The following SESN1 variants were observed in gnomAD, a reference collection of about 807,000 sequenced individuals.
The protein encoded by SESN1 is sestrin 1.
Under a neutral mutation model 59.3 loss-of-function variants are expected in SESN1, and 30 were observed. The ratio of observed to expected loss-of-function variants is 0.51; its 90% CI spans 0.38 to 0.69. The LOEUF (loss-of-function observed/expected upper bound fraction) is 0.69. Ranked by LOEUF, SESN1 falls within the 30% of genes least tolerant of loss-of-function variation. The pLI is 0.00. For missense variants in SESN1, 566 were observed against 673.0 expected, an observed-to-expected ratio of 0.84 and a Z score of 1.76; for synonymous variants, 197 against 219.9, an observed-to-expected ratio of 0.90 and a Z score of 0.92.
At position 109,028,530 on chromosome 6, in the gene SESN1, A is replaced by G. The variant is rs1780131680; in HGVS notation, c.280-26187T>C. Reference sequence around the variant, plus strand: ...CTACTATATTAACTCCATGCAGCAAAAAAGTAAAGTGGTCTTTCTTCCAGA... The same window carrying G: ...CTACTATATTAACTCCATGCAGCAAGAAAGTAAAGTGGTCTTTCTTCCAGA... On this transcript the variant is annotated intron_variant, in intron 1 of 9. Coordinates refer to ENST00000436639, the MANE Select transcript of SESN1 (RefSeq NM_014454.3). Among the ~76,000 whole-genome samples the G allele has an allele frequency of 5.3e-5, 8 of 152,310 alleles. No individual in the cohort carries two copies. The South Asian group carries it at 1.7e-3, about 32-fold the overall frequency.
At chr6:109,022,645 A>T (rs908995684) in intron 1 of SESN1, among the ~76,000 whole-genome samples, 1 of 151,756 alleles carries the variant, frequency 6.6e-6, no homozygotes, top group Non-Finnish European at 1.5e-5. Flanking sequence ...CGATCTCCTG[A>T]CCTCGTGATC....
At chr6:109,059,106 C>G (rs1780688052) in intron 1 of SESN1, among the ~76,000 whole-genome samples, 1 of 152,084 alleles carries the variant, frequency 6.6e-6, no homozygotes, top group African/African-American at 2.4e-5. Flanking sequence ...TACACACACA[C>G]ACACACACAC....
At chr6:108,998,391 A>C in intron 5 of SESN1, 122 bp downstream of exon 5, 227 of 979,446 alleles carry the variant, frequency 2.3e-4, no homozygotes, top group Non-Finnish European at 2.9e-4. Context: ...GAATAGATAT[A>C]GGGGCCCAAT....
Position 108,987,311 on chromosome 6 carries a change from C to A in SESN1, c.*233G>T. ...CACAGCATCTTGTACTGTCAAAAAG[C>A]AAAATACTGTGAATGGCAGCCTGTC... On this transcript the variant is annotated 3_prime_UTR_variant, in exon 10 of 10. Transcript: ENST00000436639. The A allele has an allele frequency of 2.3e-6, 1 of 437,440 alleles. No homozygotes were observed. The highest frequency in any genetic ancestry group is 3.5e-5 in the East Asian group (1 of 28,416). 27.1% of individuals were successfully genotyped at this position (437,440 alleles called of 1,614,324 possible).
At chr6:109,064,029 C>T (rs1780774451) in intron 1 of SESN1, among the ~76,000 whole-genome samples, 1 of 151,848 alleles carries the variant, frequency 6.6e-6, no homozygotes, top group Non-Finnish European at 1.5e-5. Context: ...GCCATGTATA[C>T]AATTTTGGAT....
chr6:109,002,273 C>T lies in SESN1; in HGVS notation c.345+5G>A, dbSNP rs780778978. ...GTTCACTATGTACTTTCACAAACAA[C>T]GTACCTCCTTTTCTGGGATGAATCT... On this transcript the variant is annotated splice_donor_5th_base_variant and intron_variant, in intron 2 of 9. Coordinates refer to ENST00000436639, the MANE Select transcript of SESN1 (RefSeq NM_014454.3). The T allele has an allele frequency of 8.1e-6, 13 of 1,612,192 alleles. No homozygotes were observed. The highest frequency in any genetic ancestry group is 1.6e-4 in the Middle Eastern group (1 of 6,078).
chr6:109,009,093 G>C, intron 1 of SESN1: 2 of 797,790 alleles, frequency 2.5e-6, no homozygotes, highest in Non-Finnish European at 3.3e-6. Context: ...CGCGGCCGCA[G>C]TCTCTCCCAG....
rs906158999 is a variant in SESN1 at position 108,985,078 on chromosome 6, A to G, written c.*2466T>C. Among the ~76,000 whole-genome samples, 1 of 152,198 alleles carries G rather than the reference A, an allele frequency of 6.6e-6. No individual in the cohort carries two copies. Among genetic ancestry groups the G allele is most frequent in the Admixed American group, 6.5e-5 (1 of 15,278 alleles). ...TGATTCATATATGATATTCACATATACAAATATGCTAGTAACATTTCTGAT... is the reference window on the plus strand; with the variant it reads ...TGATTCATATATGATATTCACATATGCAAATATGCTAGTAACATTTCTGAT... On this transcript the variant is annotated 3_prime_UTR_variant, in exon 10 of 10. Transcript: ENST00000436639.
At chr6:109,092,438 A>C (rs1465198698) in intron 1 of SESN1, among the ~76,000 whole-genome samples, 1 of 152,218 alleles carries the variant, frequency 6.6e-6, no homozygotes, top group Non-Finnish European at 1.5e-5. Context: ...TTTATTTTCA[A>C]TATAACTCTT....
At chr6:109,089,962 A>G (rs535271236) in intron 1 of SESN1, among the ~76,000 whole-genome samples, 1 of 152,140 alleles carries the variant, frequency 6.6e-6, no homozygotes, top group Non-Finnish European at 1.5e-5. Flanking sequence ...ATCAATCACT[A>G]TACTACCTTG....
chr6:109,003,486 G>A (rs1779669924), intron 1 of SESN1, among the ~76,000 whole-genome samples: 2 of 152,042 alleles, frequency 1.3e-5, no homozygotes, highest in African/African-American at 4.8e-5. Flanking sequence ...AAGCAGGAAG[G>A]ACAAAAGTGA....
rs369712213 is a variant in SESN1, at chr6:108,998,695, A to C, written c.790T>G (p.Leu264Val). ...GCAAGAGAATGATAGTGTGTGAGTA[A>C]AACTACTGCATGTACCAATTCCGCA... ...SLAELVHAVV[L>V]LTHYHSLASF... Residue 264 changes from leucine (L) to valine (V), a missense_variant, in exon 5 of 10, where the codon TTA (leucine) becomes GTA (valine). Physicochemically the swap from Leu to Val is conservative, Grantham distance 32. Transcript: ENST00000436639. 21 of 1,613,820 alleles carry C rather than the reference A, an allele frequency of 1.3e-5. No homozygotes were observed. Among genetic ancestry groups the C allele is most frequent in the Non-Finnish European group, 1.6e-5 (19 of 1,179,830 alleles).
At chr6:109,077,951 T>G (rs1781058097) in intron 1 of SESN1, among the ~76,000 whole-genome samples, 2 of 152,180 alleles carry the variant, frequency 1.3e-5, no homozygotes, top group Non-Finnish European at 2.9e-5. Context: ...AATTAATTAC[T>G]AATGATTACC....
chr6:109,071,541 G>A (rs1315442578), intron 1 of SESN1, among the ~76,000 whole-genome samples: 8 of 152,000 alleles, frequency 5.3e-5, no homozygotes, highest in African/African-American at 1.7e-4. Context: ...CAATTTCTGT[G>A]TTAATATGTA....
At position 108,990,718 on chromosome 6, in the gene SESN1, T is replaced by C. The variant is rs749534099; in HGVS notation, c.1351A>G (p.Met451Val). The C allele has an allele frequency of 1.6e-5, 26 of 1,614,048 alleles. No homozygotes were observed. The highest frequency in any genetic ancestry group is 4.0e-5 in the African/African-American group (3 of 74,934). Reference sequence around the variant, plus strand: ...ATTGAGGTATCAACATCTTTGTGCATTGCCATTGTATTATAAGTAAGATTG... The same window carrying C: ...ATTGAGGTATCAACATCTTTGTGCACTGCCATTGTATTATAAGTAAGATTG... ...AYNLTYNTMAMHKDVDTSMLR... is the reference protein window; with the variant it reads ...AYNLTYNTMAVHKDVDTSMLR... Residue 451 changes from methionine (M) to valine (V), a missense_variant, in exon 8 of 10, where the codon ATG becomes GTG. Physicochemically the swap from Met to Val is conservative, Grantham distance 21. Transcript: ENST00000436639.
intron 1 of SESN1, among the ~76,000 whole-genome samples, chr6:109,028,651 C>G (rs1369697593): frequency 6.6e-6 from 1 of 152,140 alleles, no homozygotes; most frequent in African/African-American, 2.4e-5. Context: ...AAAAGCATCT[C>G]TTAAAAATAG....
chr6:109,002,673 T>G (rs1236880456), intron 1 of SESN1, among the ~76,000 whole-genome samples: 1 of 152,188 alleles, frequency 6.6e-6, no homozygotes, highest in Admixed American at 6.5e-5. Flanking sequence ...ACCAGTGTGT[T>G]TGTACATCTA....
At chr6:109,072,389 A>G (rs923595439) in intron 1 of SESN1, among the ~76,000 whole-genome samples, 7 of 152,208 alleles carry the variant, frequency 4.6e-5, no homozygotes, top group African/African-American at 1.7e-4. Context: ...GTTGTTGAAT[A>G]TAACTCCAGT....
chr6:108,997,004 A>G (rs1779512973), intron 5 of SESN1, among the ~76,000 whole-genome samples: 4 of 152,212 alleles, frequency 2.6e-5, no homozygotes, highest in Admixed American at 2.6e-4. Context: ...TGGAGAGAGT[A>G]AAGAAATGAA....
Sources: allele counts gnomAD v4.1 joint callset (sites outside exome capture counted in the v4.1 genomes callset), GRCh38; gene constraint gnomAD v4.1.1; transcripts MANE v1.5; gene names NCBI Gene and HGNC (gene_info 2026-07-23, HGNC 2026-07-21).